The following CSMD1 variants were observed in gnomAD, a reference collection of about 807,000 sequenced individuals.
CSMD1 encodes CUB and Sushi multiple domains 1.
Under a neutral mutation model 417.5 loss-of-function variants are expected in CSMD1, and 213 were observed. The observed-to-expected ratio is 0.51, with a 90% CI of 0.46 to 0.57. The LOEUF is 0.57. Among genes scored for constraint, CSMD1 ranks in the 20% least tolerant of loss-of-function variants. The pLI is 0.00. For missense variants in CSMD1, 6,923 were observed against 4,529.7 expected (o/e 1.53, Z -15.17); for synonymous variants, 2,862 against 1,736.8 (o/e 1.65, Z -16.11).
intron 12 of CSMD1, among the ~76,000 whole-genome samples, chr8:3,410,459 T>A (rs531250456): frequency 6.6e-6 from 1 of 152,154 alleles, no homozygotes; most frequent in Non-Finnish European, 1.5e-5. Context: ...GGCAGGTCTT[T>A]CCTGTGCTGT....
chr8:3,675,728 T>G (rs1799338210), intron 7 of CSMD1, among the ~76,000 whole-genome samples: 1 of 152,210 alleles, frequency 6.6e-6, no homozygotes, highest in African/African-American at 2.4e-5. Context: ...TATAAGCACC[T>G]TGATCTTGGA....
At chr8:3,023,187 C>G (rs1044872644) in intron 51 of CSMD1, among the ~76,000 whole-genome samples, 1 of 152,172 alleles carries the variant, frequency 6.6e-6, no homozygotes, top group African/African-American at 2.4e-5. Context: ...AGGCCTGCCT[C>G]CAGTAACAAA....
intron 49 of CSMD1, among the ~76,000 whole-genome samples, chr8:3,079,236 T>C (rs2129002420): frequency 6.6e-6 from 1 of 152,314 alleles, no homozygotes; most frequent in South Asian, 2.1e-4. Flanking sequence ...GTTTGAGCTA[T>C]ATGGACTGTG....
At chr8:3,781,837 T>G (rs1799205032) in intron 5 of CSMD1, among the ~76,000 whole-genome samples, 1 of 152,210 alleles carries the variant, frequency 6.6e-6, no homozygotes, top group Non-Finnish European at 1.5e-5. Flanking sequence ...TCTCTATACT[T>G]CCTAGATTCA....
At chr8:3,451,986 T>C (rs1046633130) in intron 12 of CSMD1, among the ~76,000 whole-genome samples, 1 of 152,182 alleles carries the variant, frequency 6.6e-6, no homozygotes, top group Non-Finnish European at 1.5e-5. Flanking sequence ...TCCTCTTTTA[T>C]TTCATTGAGC....
intron 3 of CSMD1, among the ~76,000 whole-genome samples, chr8:4,408,008 C>G (rs1796422719): frequency 6.6e-6 from 1 of 152,196 alleles, no homozygotes; most frequent in Non-Finnish European, 1.5e-5. Context: ...AGTCCCCACA[C>G]ACCAGCTGTC....
At chr8:3,910,352 T>A (rs2627412) in intron 5 of CSMD1, among the ~76,000 whole-genome samples, 17,567 of 152,086 alleles carry the variant, frequency 0.12, 1,465 homozygotes, top group African/African-American at 0.24. Context: ...GGGTGGCAGG[T>A]GCACCGAGGC....
intron 1 of CSMD1, among the ~76,000 whole-genome samples, chr8:4,728,589 A>T (rs1046332862): frequency 1.3e-5 from 2 of 152,186 alleles, no homozygotes; most frequent in African/African-American, 2.4e-5. Context: ...TACTGATACC[A>T]TTTAACACAT....
rs555371014 is a variant in CSMD1, at chr8:4,565,019, G to C, written c.302+72323C>G. On this transcript the variant is annotated intron_variant, in intron 2 of 69. Transcript: ENST00000635120. ...GGAGTTACTGTAATGATAGATGTCT[G>C]TCATCTTCAACAAAATGGATTTCAA... Among the ~76,000 whole-genome samples the C allele has an allele frequency of 5.3e-5, 8 of 152,274 alleles. No homozygotes were observed. In the South Asian group the frequency reaches 8.3e-4, roughly 16 times the overall value.
chr8:3,322,560 T>C (rs1806220691), intron 23 of CSMD1, among the ~76,000 whole-genome samples: 1 of 152,206 alleles, frequency 6.6e-6, no homozygotes, highest in South Asian at 2.1e-4. Flanking sequence ...AACTTTCTTG[T>C]CTTGTTCCCT....
chr8:2,973,117 C>G lies in CSMD1; in HGVS notation c.8923G>C (p.Ala2975Pro). Reference sequence around the variant, plus strand: ...GACCTTAAGGCTTCTGGCTACTCACCCTCACACACCGGCTGCAGTCCTGAC... The same window carrying G: ...GACCTTAAGGCTTCTGGCTACTCACGCTCACACACCGGCTGCAGTCCTGAC... ...SWSGLQPVCE[A>P]VSCGNPGTPT... Residue 2975 changes from alanine to proline, a missense_variant and splice_region_variant, in exon 57 of 70, where the codon GCC (alanine) becomes CCC (proline). Transcript: ENST00000635120. The G allele has an allele frequency of 6.2e-7, 1 of 1,612,982 alleles. No individual in the cohort carries two copies. The highest frequency in any genetic ancestry group is 1.3e-5 in the African/African-American group (1 of 74,994).
At chr8:4,836,689 C>T (rs1355140855) in intron 1 of CSMD1, among the ~76,000 whole-genome samples, 1 of 152,010 alleles carries the variant, frequency 6.6e-6, no homozygotes. Context: ...TTCATCTCGT[C>T]GCTTCCACCT....
intron 49 of CSMD1, among the ~76,000 whole-genome samples, chr8:3,064,560 T>C (rs571262131): frequency 4.8e-4 from 73 of 152,302 alleles, no homozygotes; most frequent in African/African-American, 1.5e-3. Flanking sequence ...AGTGTGAGAA[T>C]GGATTAATAC....
chr8:4,103,401 C>G (rs904582054), intron 3 of CSMD1, among the ~76,000 whole-genome samples: 5 of 151,340 alleles, frequency 3.3e-5, no homozygotes, highest in African/African-American at 1.2e-4. Context: ...GCCAAATTCT[C>G]TATCTTTTCT....
intron 3 of CSMD1, among the ~76,000 whole-genome samples, chr8:4,123,037 AT>A (rs1262476588): frequency 6.6e-6 from 1 of 152,204 alleles, no homozygotes; most frequent in Non-Finnish European, 1.5e-5. Flanking sequence ...AGAGACTGGA[AT>A]TTTTCTGTGT....
intron 5 of CSMD1, among the ~76,000 whole-genome samples, chr8:3,954,005 G>A (rs974448218): frequency 6.6e-6 from 1 of 152,124 alleles, no homozygotes; most frequent in African/African-American, 2.4e-5. Flanking sequence ...ATGCCTCCAG[G>A]TCTCAGCGCC....
At chr8:3,526,705 T>G (rs1429436716) in intron 10 of CSMD1, among the ~76,000 whole-genome samples, 2 of 152,182 alleles carry the variant, frequency 1.3e-5, no homozygotes, top group Non-Finnish European at 2.9e-5. Flanking sequence ...AAGCCAAAAT[T>G]GTCACTTCCT....
At chr8:4,100,243 C>A (rs757208703) in intron 3 of CSMD1, among the ~76,000 whole-genome samples, 1 of 152,172 alleles carries the variant, frequency 6.6e-6, no homozygotes, top group South Asian at 2.1e-4. Flanking sequence ...AGATGGAAAA[C>A]AGTAGGCATG....
intron 3 of CSMD1, among the ~76,000 whole-genome samples, chr8:4,059,689 C>A (rs1033516550): frequency 6.6e-6 from 1 of 152,180 alleles, no homozygotes; most frequent in African/African-American, 2.4e-5. Flanking sequence ...ACTAGAAAAT[C>A]TAGAAGAAAT....
Sources: allele counts gnomAD v4.1 joint callset (sites outside exome capture counted in the v4.1 genomes callset), GRCh38; gene constraint gnomAD v4.1.1; transcripts MANE v1.5; gene names NCBI Gene and HGNC (gene_info 2026-07-23, HGNC 2026-07-21).